PLCB4: variants seen among roughly 807,000 people sequenced by gnomAD.
PLCB4 encodes 1-phosphatidylinositol 4,5-bisphosphate phosphodiesterase beta-4.
In PLCB4, 77 loss-of-function variants were observed where a neutral mutation model predicts 178.8. The ratio of observed to expected loss-of-function variants is 0.43; its 90% CI spans 0.36 to 0.52. The LOEUF is 0.52. PLCB4 is among the 20% of genes least tolerant of loss of function. The pLI is 0.00. For synonymous variants in PLCB4, 496 were observed against 490.8 expected (o/e 1.01, Z -0.14); for missense variants, 1,024 against 1,453.4 (o/e 0.70, Z 4.80).
At chr20:9,372,440 T>A (rs1156899996) in intron 11 of PLCB4, 37 bp downstream of exon 11, 4 of 1,027,078 alleles carry the variant, frequency 3.9e-6, no homozygotes, top group Admixed American at 3.8e-5. Flanking sequence ...ATATAAATAT[T>A]ATCACTGTCC....
chr20:9,225,679 T>C (rs74367454), intron 3 of PLCB4, among the ~76,000 whole-genome samples: 11,318 of 152,254 alleles, frequency 0.074, 920 homozygotes, highest in African/African-American at 0.2. Context: ...CCATGTTAAA[T>C]TGGGCATTCT....
At chr20:9,376,790 G>A (rs2299676) in intron 12 of PLCB4, among the ~76,000 whole-genome samples, 42,304 of 151,984 alleles carry the variant, frequency 0.28, 8,700 homozygotes, top group African/African-American at 0.59. Flanking sequence ...CAGGAGAGAG[G>A]GATAAAAACA....
intron 3 of PLCB4, among the ~76,000 whole-genome samples, chr20:9,243,465 A>G (rs2094089443): frequency 6.6e-6 from 1 of 152,216 alleles, no homozygotes; most frequent in Admixed American, 6.5e-5. Flanking sequence ...TTGGGATTTC[A>G]TGGGATTGCA....
chr20:9,419,782 A>G (rs2040498566), intron 25 of PLCB4, 25 bp from the exon 26 acceptor site: 2 of 1,446,892 alleles, frequency 1.4e-6, no homozygotes, highest in African/African-American at 2.8e-5. Flanking sequence ...CCTACTAATA[A>G]ACTTCTATGC....
At chr20:9,317,563 T>C (rs2094912525) in intron 4 of PLCB4, among the ~76,000 whole-genome samples, 1 of 152,144 alleles carries the variant, frequency 6.6e-6, no homozygotes, top group Non-Finnish European at 1.5e-5. Context: ...TGGTAATCCT[T>C]GAGATCCATG....
chr20:9,291,740 T>A (rs1166739555), intron 3 of PLCB4, among the ~76,000 whole-genome samples: 2 of 152,294 alleles, frequency 1.3e-5, no homozygotes, highest in East Asian at 3.9e-4. Flanking sequence ...TTGAGATTTA[T>A]GTAGGTGACA....
intron 2 of PLCB4, among the ~76,000 whole-genome samples, chr20:9,152,665 G>A (rs1197938824): frequency 6.6e-6 from 1 of 152,202 alleles, no homozygotes; most frequent in South Asian, 2.1e-4. Flanking sequence ...ACTTCTGCTA[G>A]GGCATCGTGG....
intron 2 of PLCB4, among the ~76,000 whole-genome samples, chr20:9,176,712 C>T (rs1027516460): frequency 4.6e-5 from 7 of 152,078 alleles, no homozygotes; most frequent in Non-Finnish European, 1.5e-5. Flanking sequence ...ATACACAAAA[C>T]CCTTAAACTA....
At chr20:9,184,893 G>A (rs1048058269) in intron 2 of PLCB4, among the ~76,000 whole-genome samples, 4 of 152,130 alleles carry the variant, frequency 2.6e-5, no homozygotes, top group Non-Finnish European at 4.4e-5. Flanking sequence ...CTGCCCATCT[G>A]CCCATGAATA....
intron 18 of PLCB4, 41 bp downstream of exon 18, chr20:9,393,719 CAT>C (rs776828317): frequency 6.2e-5 from 74 of 1,198,958 alleles, no homozygotes; most frequent in Admixed American, 5.6e-4. Flanking sequence ...GCATACATAA[CAT>C]GTGTGGACAT....
At chr20:9,417,981 C>T (rs1329585606) in intron 25 of PLCB4, among the ~76,000 whole-genome samples, 1 of 151,944 alleles carries the variant, frequency 6.6e-6, no homozygotes, top group African/African-American at 2.4e-5. Flanking sequence ...TTATGTGCTT[C>T]TTGGTTTTTT....
chr20:9,465,367 C>G (rs1053757959), intron 35 of PLCB4, among the ~76,000 whole-genome samples: 4 of 152,180 alleles, frequency 2.6e-5, no homozygotes, highest in African/African-American at 9.7e-5. Context: ...CCTCTGAAAA[C>G]TGGCACAAGA....
intron 28 of PLCB4, among the ~76,000 whole-genome samples, chr20:9,426,211 T>C (rs549338634): frequency 6.6e-6 from 1 of 152,314 alleles, no homozygotes; most frequent in East Asian, 1.9e-4. Flanking sequence ...GGATTTTCAT[T>C]ACTTTTTTCC....
chr20:9,086,235 G>C (rs1223378994), intron 1 of PLCB4, among the ~76,000 whole-genome samples: 3 of 152,132 alleles, frequency 2.0e-5, no homozygotes, highest in Non-Finnish European at 4.4e-5. Flanking sequence ...ATGTTTCTGT[G>C]TGAGGATCCC....
chr20:9,447,124 G>T lies in PLCB4; in HGVS notation c.2880+2881G>T, dbSNP rs80311145. ...TACTTGCTTAAGCACATATTCTTAG[G>T]TATTCTCATAACAGTTATATAAAGG... is the stretch of plus-strand genomic sequence containing the variant. On this transcript the variant is annotated intron_variant, in intron 32 of 39. Transcript: ENST00000378473. 6.9e-3 allele frequency among the ~76,000 whole-genome samples: 1,051 copies of T among 152,178 alleles called. 13 individuals carry two copies. The highest frequency in any genetic ancestry group is 0.024 in the African/African-American group (1,016 of 41,496).
intron 2 of PLCB4, among the ~76,000 whole-genome samples, chr20:9,168,379 TG>T (rs2147021919): frequency 6.6e-6 from 1 of 152,328 alleles, no homozygotes; most frequent in African/African-American, 2.4e-5. Context: ...TACCTGCACC[TG>T]TCTTCTCTGA....
intron 19 of PLCB4, among the ~76,000 whole-genome samples, chr20:9,400,446 A>T (rs1039984775): frequency 4.6e-5 from 7 of 152,166 alleles, no homozygotes; most frequent in African/African-American, 1.7e-4. Flanking sequence ...CTGTTCTTTC[A>T]TTCTCCTTTG....
At chr20:9,451,959 A>G (rs974754351) in intron 32 of PLCB4, among the ~76,000 whole-genome samples, 5 of 152,224 alleles carry the variant, frequency 3.3e-5, no homozygotes, top group Non-Finnish European at 7.3e-5. Context: ...GTGCACACAC[A>G]TTGGTAATAT....
At chr20:9,186,298 A>T (rs575822675) in intron 2 of PLCB4, among the ~76,000 whole-genome samples, 10 of 152,292 alleles carry the variant, frequency 6.6e-5, no homozygotes, top group African/African-American at 1.7e-4. Context: ...AAAGTTTTTT[A>T]AAAAATAGTA....
Sources: allele counts gnomAD v4.1 joint callset (sites outside exome capture counted in the v4.1 genomes callset), GRCh38; gene constraint gnomAD v4.1.1; transcripts MANE v1.5; gene names NCBI Gene and HGNC (gene_info 2026-07-23, HGNC 2026-07-21).